Variants in NRG1 observed in about 807,000 individuals in gnomAD.
NRG1 encodes the protein neuregulin 1.
NRG1 carries 18 observed loss-of-function variants against 63.8 expected under a neutral mutation model. The ratio of observed to expected loss-of-function variants is 0.28; its 90% CI spans 0.19 to 0.42. The LOEUF is 0.42. NRG1 is among the 10% of genes least tolerant of loss of function. The pLI is 1.00. For missense variants in NRG1, 762 were observed against 814.7 expected (o/e 0.94, Z 0.79); for synonymous variants, 302 against 301.3 (o/e 1.00, Z -0.02).
At chr8:31,755,830 C>A (rs1444282139) in intron 1 of NRG1, among the ~76,000 whole-genome samples, 4 of 152,024 alleles carry the variant, frequency 2.6e-5, no homozygotes, top group Non-Finnish European at 2.9e-5. Flanking sequence ...AAGCGAATCA[C>A]AATTATTTTC....
chr8:32,243,739 G>A (rs1245194107), intron 1 of NRG1, among the ~76,000 whole-genome samples: 3 of 152,060 alleles, frequency 2.0e-5, no homozygotes, highest in Non-Finnish European at 2.9e-5. Context: ...TTGAGATGGG[G>A]CGTCTGTGAG....
chr8:32,755,651 C>A (rs1419090758), intron 8 of NRG1, among the ~76,000 whole-genome samples: 1 of 152,152 alleles, frequency 6.6e-6, no homozygotes, highest in Non-Finnish European at 1.5e-5. Context: ...GATACACTCA[C>A]AAACATGCTA....
chr8:32,053,994 A>G (rs1324592645), intron 1 of NRG1, among the ~76,000 whole-genome samples: 2 of 152,222 alleles, frequency 1.3e-5, no homozygotes, highest in African/African-American at 4.8e-5. Flanking sequence ...AAATGAATGA[A>G]AAAATATAGA....
chr8:32,597,161 A>G (rs1164071964), intron 2 of NRG1, among the ~76,000 whole-genome samples: 3 of 152,182 alleles, frequency 2.0e-5, no homozygotes, highest in Non-Finnish European at 4.4e-5. Flanking sequence ...CTCAAAGATG[A>G]TATTTTCTGC....
chr8:31,885,614 T>C (rs942533740), intron 1 of NRG1, among the ~76,000 whole-genome samples: 5 of 152,094 alleles, frequency 3.3e-5, no homozygotes, highest in African/African-American at 1.2e-4. Flanking sequence ...TTGGTAAGTA[T>C]AGAGGTGCCA....
chr8:32,518,640 G>A (rs1408107923), intron 1 of NRG1, among the ~76,000 whole-genome samples: 2 of 152,120 alleles, frequency 1.3e-5, no homozygotes, highest in Non-Finnish European at 2.9e-5. Flanking sequence ...AAAGGACCTA[G>A]TTTCCCAGTG....
chr8:31,743,805 C>T (rs921246716), intron 1 of NRG1, among the ~76,000 whole-genome samples: 1 of 151,906 alleles, frequency 6.6e-6, no homozygotes, highest in Non-Finnish European at 1.5e-5. Flanking sequence ...AAATTATTTA[C>T]AAAAGCACTG....
intron 1 of NRG1, among the ~76,000 whole-genome samples, chr8:32,261,945 T>C (rs1850425128): frequency 6.6e-6 from 1 of 152,182 alleles, no homozygotes; most frequent in African/African-American, 2.4e-5. Context: ...TATACTTGCA[T>C]ACACTGTCCT....
At chr8:32,286,169 C>T (rs565161949) in intron 1 of NRG1, among the ~76,000 whole-genome samples, 3 of 152,290 alleles carry the variant, frequency 2.0e-5, no homozygotes, top group South Asian at 2.1e-4. Flanking sequence ...TACATTGGCC[C>T]GTTGAGTTTT....
intron 1 of NRG1, among the ~76,000 whole-genome samples, chr8:32,101,732 C>CAA: frequency 6.6e-6 from 1 of 152,030 alleles, no homozygotes; most frequent in Non-Finnish European, 1.5e-5. Context: ...TAAATTATAA[C>CAA]AAAACAAACT....
chr8:31,822,248 G>A (rs1478969050), intron 1 of NRG1, among the ~76,000 whole-genome samples: 2 of 152,090 alleles, frequency 1.3e-5, no homozygotes, highest in African/African-American at 4.8e-5. Flanking sequence ...CTTTTTCTTA[G>A]GAGCACTAAG....
intron 1 of NRG1, among the ~76,000 whole-genome samples, chr8:31,775,862 G>A (rs187786810): frequency 2.5e-3 from 291 of 116,632 alleles, no homozygotes; most frequent in African/African-American, 9.2e-3. Flanking sequence ...CAGCCTGGGC[G>A]ACAGAGCAAG....
chr8:32,560,169 TTTAAA>T (rs1336373004), intron 1 of NRG1, among the ~76,000 whole-genome samples: 6 of 149,612 alleles, frequency 4.0e-5, no homozygotes, highest in Non-Finnish European at 9.1e-5. Context: ...GAAAATATAC[TTTAAA>T]TTATTTTATT....
intron 1 of NRG1, among the ~76,000 whole-genome samples, chr8:31,859,621 A>T (rs1828280859): frequency 6.6e-6 from 1 of 152,230 alleles, no homozygotes; most frequent in Admixed American, 6.5e-5. Context: ...TAAAACAGCC[A>T]CTTATGCACA....
At chr8:32,451,006 A>AAAAAC (rs1034672685) in intron 1 of NRG1, among the ~76,000 whole-genome samples, 3 of 152,200 alleles carry the variant, frequency 2.0e-5, no homozygotes, top group Admixed American at 6.5e-5. Context: ...TGGAGGACTG[A>AAAAAC]AAAACAAAAC....
At chr8:32,391,867 G>A (rs867084733) in intron 1 of NRG1, among the ~76,000 whole-genome samples, 1 of 152,164 alleles carries the variant, frequency 6.6e-6, no homozygotes, top group Admixed American at 6.5e-5. Flanking sequence ...TATTTTGGAT[G>A]TACTTTTCTC....
intron 1 of NRG1, among the ~76,000 whole-genome samples, chr8:32,482,860 T>C (rs1240565988): frequency 6.6e-6 from 1 of 152,200 alleles, no homozygotes; most frequent in Non-Finnish European, 1.5e-5. Context: ...CCAGAGGCAC[T>C]CCCAGCCGTC....
chr8:32,018,213 C>T (rs1815871712), intron 1 of NRG1, among the ~76,000 whole-genome samples: 1 of 152,152 alleles, frequency 6.6e-6, no homozygotes, highest in African/African-American at 2.4e-5. Context: ...CTATTCTTCC[C>T]TTACATCATT....
At chr8:31,743,575 GGT>G (rs899836179) in intron 1 of NRG1, among the ~76,000 whole-genome samples, 3 of 148,364 alleles carry the variant, frequency 2.0e-5, no homozygotes, top group Non-Finnish European at 3.0e-5. Flanking sequence ...TGTGTGTGTG[GGT>G]GTGTGTGTGT....
Sources: allele counts gnomAD v4.1 joint callset (sites outside exome capture counted in the v4.1 genomes callset), GRCh38; gene constraint gnomAD v4.1.1; transcripts MANE v1.5; gene names NCBI Gene and HGNC (gene_info 2026-07-23, HGNC 2026-07-21).